The following TRIM69 variants were observed in gnomAD, a reference collection of about 807,000 sequenced individuals.
The protein encoded by TRIM69 is tripartite motif containing 69.
Under a neutral mutation model 37.7 loss-of-function variants are expected in TRIM69, and 29 were observed. The observed-to-expected ratio is 0.77, with a 90% CI of 0.57 to 1.05. The LOEUF is 1.05. TRIM69 is among the 50% of genes least tolerant of loss of function. TRIM69 has a pLI of 0.00. For synonymous variants in TRIM69, 209 were observed against 212.4 expected (o/e 0.98, Z 0.14); for missense variants, 596 against 579.9 (o/e 1.03, Z -0.28).
intron 1 of TRIM69, among the ~76,000 whole-genome samples, chr15:44,751,887 G>A (rs79013588): frequency 0.015 from 2,333 of 151,716 alleles, 55 homozygotes; most frequent in African/African-American, 0.052. Context: ...CTGGGACCAC[G>A]GACATGTTCC....
intron 1 of TRIM69, among the ~76,000 whole-genome samples, chr15:44,740,947 A>G (rs1199529496): frequency 2.6e-5 from 4 of 150,982 alleles, no homozygotes; most frequent in African/African-American, 9.8e-5. Context: ...AATTGAACTC[A>G]GCTCTGCACC....
chr15:44,757,442 C>T (rs1291489773), intron 3 of TRIM69: 3 of 152,096 alleles, frequency 2.0e-5, no homozygotes. Context: ...GGATAAGTAA[C>T]TTATCCAAGT....
intron 6 of TRIM69, among the ~76,000 whole-genome samples, chr15:44,764,377 T>C (rs1178573695): frequency 6.6e-6 from 1 of 152,228 alleles, no homozygotes; most frequent in African/African-American, 2.4e-5. Context: ...ATGGTAACTG[T>C]GGTCAGACCT....
intron 1 of TRIM69, chr15:44,753,300 T>A (rs984372930): frequency 2.0e-5 from 3 of 152,116 alleles, no homozygotes; most frequent in African/African-American, 7.2e-5. Context: ...TTTTAAAAAA[T>A]TTTAATTAAA....
intron 1 of TRIM69, among the ~76,000 whole-genome samples, chr15:44,738,656 A>G (rs971857684): frequency 6.6e-6 from 1 of 152,230 alleles, no homozygotes; most frequent in Non-Finnish European, 1.5e-5. Flanking sequence ...AAACATATTG[A>G]TGGGCTCTCT....
In TRIM69 at chr15:44,754,940, A is replaced by G; in HGVS notation, c.47A>G (p.Tyr16Cys). 5 of 1,614,074 alleles carry G rather than the reference A, an allele frequency of 3.1e-6. No individual in the cohort carries two copies. Among genetic ancestry groups the G allele is most frequent in the Non-Finnish European group, 1.7e-6 (2 of 1,179,954 alleles). The change falls in exon 2 of 7, where the codon TAT becomes TGT. Residue 16 changes from tyrosine (Y) to cysteine (C), a missense_variant. Physicochemically the swap from Tyr to Cys is radical, Grantham distance 194. Transcript: ENST00000329464. ...TCCTCCAACATCGATCCAGGCGACT[A>G]TGTTGAAATGAATGATTCAATCACC... is the stretch of plus-strand genomic sequence containing the variant. ...NPSSNIDPGD[Y>C]VEMNDSITHL...
At chr15:44,739,496 G>A (rs1029653434) in intron 1 of TRIM69, among the ~76,000 whole-genome samples, 43 of 152,316 alleles carry the variant, frequency 2.8e-4, no homozygotes, top group African/African-American at 8.2e-4. Context: ...GGTGACAGAC[G>A]GCACCTGGAA....
At chr15:44,739,291 G>A (rs1401138212) in intron 1 of TRIM69, among the ~76,000 whole-genome samples, 2 of 152,222 alleles carry the variant, frequency 1.3e-5, no homozygotes, top group Non-Finnish European at 2.9e-5. Context: ...ACAGCTCCCA[G>A]CGTGAGCGAT....
chr15:44,740,081 A>G (rs984660666), intron 1 of TRIM69, among the ~76,000 whole-genome samples: 6 of 152,144 alleles, frequency 3.9e-5, no homozygotes, highest in Admixed American at 3.9e-4. Context: ...ACGAAAATCC[A>G]CTGTTCTGCA....
chr15:44,743,763 T>C (rs1474133259), intron 1 of TRIM69, among the ~76,000 whole-genome samples: 3 of 152,114 alleles, frequency 2.0e-5, no homozygotes, highest in African/African-American at 7.2e-5. Context: ...TGAGATACCA[T>C]CTCACACCAG....
Position 44,762,122 on chromosome 15 carries a change from C to T in TRIM69, c.961+2250C>T, listed in dbSNP as rs56761913. Among the ~76,000 whole-genome samples, 817 of 152,152 alleles carry T rather than the reference C, an allele frequency of 5.4e-3. 5 individuals are homozygous for T. Among genetic ancestry groups the T allele is most frequent in the African/African-American group, 0.018 (741 of 41,494 alleles). ...CTGGGACTACAGGTGCCCGCCACCA[C>T]GCCCGGCTAATTTTTTTGCATTTTT... On this transcript the variant is annotated intron_variant, in intron 6 of 6. Transcript: ENST00000329464.
intron 1 of TRIM69, among the ~76,000 whole-genome samples, chr15:44,746,750 GCACA>G (rs10561330): frequency 0.73 from 109,953 of 150,300 alleles, 41,623 homozygotes; most frequent in Middle Eastern, 0.83. Flanking sequence ...ACGTGCACGT[GCACA>G]CACACACACA....
intron 1 of TRIM69, among the ~76,000 whole-genome samples, chr15:44,747,336 T>TAAAGAACA (rs879419092): frequency 3.8e-4 from 58 of 152,310 alleles, no homozygotes; most frequent in Middle Eastern, 3.4e-3. Context: ...AAACATTGTT[T>TAAAGAACA]TATAAAGAAA....
Position 44,767,536 on chromosome 15 carries a change from G to A in TRIM69, c.1267G>A (p.Asp423Asn). 3 of 1,614,174 alleles carry A rather than the reference G, an allele frequency of 1.9e-6. No individual in the cohort carries two copies. The highest frequency in any genetic ancestry group is 2.5e-6 in the Non-Finnish European group (3 of 1,180,022). ...FWLLRLRNQT[D>N]LKALDLPSFS... ...GCTTTTAAGACTAAGGAACCAAACT[G>A]ATCTAAAGGCTCTGGATTTGCCTTC... The change falls in exon 7 of 7, where the codon GAT becomes AAT. Residue 423 changes from aspartate (D) to asparagine (N), a missense_variant. Transcript: ENST00000329464.
intron 3 of TRIM69, chr15:44,758,134 T>G (rs1423372715): frequency 6.3e-6 from 1 of 158,870 alleles, no homozygotes; most frequent in East Asian, 1.9e-4. Flanking sequence ...GAAGCCAGGA[T>G]GTCAAATAGT....
chr15:44,742,311 T>C (rs2087307511), intron 1 of TRIM69, among the ~76,000 whole-genome samples: 3 of 54,566 alleles, frequency 5.5e-5, no homozygotes, highest in East Asian at 4.4e-4. Context: ...ATTGATGGGA[T>C]GTATCTCAAA....
intron 6 of TRIM69, among the ~76,000 whole-genome samples, chr15:44,763,987 T>C (rs546779119): frequency 6.6e-6 from 1 of 152,288 alleles, no homozygotes; most frequent in South Asian, 2.1e-4. Context: ...AATTGTTCAG[T>C]CTATTGATTT....
intron 1 of TRIM69, among the ~76,000 whole-genome samples, chr15:44,747,907 C>T (rs1304223059): frequency 6.6e-6 from 1 of 152,126 alleles, no homozygotes; most frequent in Admixed American, 6.5e-5. Flanking sequence ...GGAAACTAAG[C>T]CCATAAGGAG....
At chr15:44,749,100 C>T (rs924324774) in intron 1 of TRIM69, among the ~76,000 whole-genome samples, 5 of 152,134 alleles carry the variant, frequency 3.3e-5, no homozygotes, top group East Asian at 1.9e-4. Context: ...ATGTTGCTCA[C>T]GCTGGTCTCA....
Sources: allele counts gnomAD v4.1 joint callset (sites outside exome capture counted in the v4.1 genomes callset), GRCh38; gene constraint gnomAD v4.1.1; transcripts MANE v1.5; gene names NCBI Gene and HGNC (gene_info 2026-07-23, HGNC 2026-07-21).